Variants in TEX11 observed in about 807,000 individuals in gnomAD.
TEX11 encodes the protein testis-expressed protein 11.
A neutral mutation model predicts 84.4 loss-of-function variants in TEX11; 7 were observed. The observed-to-expected ratio is 0.08, with a 90% CI of 0.05 to 0.16. The LOEUF (loss-of-function observed/expected upper bound fraction) is 0.16, where lower values mean the gene tolerates loss of function less well. Among genes scored for constraint, TEX11 ranks in the 10% least tolerant of loss-of-function variants. TEX11 has a pLI of 1.00. For synonymous variants in TEX11, 264 were observed against 222.8 expected, an observed-to-expected ratio of 1.18 and a Z score of -1.64; for missense variants, 551 against 660.5, an observed-to-expected ratio of 0.83 and a Z score of 1.82.
chrX:70,815,603 A>C (rs1482956665), intron 8 of TEX11, among the ~76,000 whole-genome samples: 2 of 111,872 alleles, frequency 1.8e-5, no homozygotes, highest in Non-Finnish European at 3.8e-5. Context: ...TATAAATTAA[A>C]ATTTATCAGA....
At chrX:70,790,282 C>G (rs1194806245) in intron 9 of TEX11, among the ~76,000 whole-genome samples, 2 of 111,678 alleles carry the variant, frequency 1.8e-5, no homozygotes, top group Non-Finnish European at 3.8e-5. Flanking sequence ...AGAGAAAACA[C>G]TGAAAGTCAA....
chrX:70,797,001 T>G (rs998804322), intron 9 of TEX11, among the ~76,000 whole-genome samples: 1 of 112,324 alleles, frequency 8.9e-6, no homozygotes, highest in Admixed American at 9.4e-5. Context: ...GGAATTCTTT[T>G]ACACTGTTGG....
chrX:70,782,645 C>CAAAAAAAAAAAAAAAAAAAAA (rs780011355), intron 9 of TEX11, among the ~76,000 whole-genome samples: 3 of 28,904 alleles, frequency 1.0e-4, no homozygotes, highest in Non-Finnish European at 1.5e-4. Context: ...AAATGGAAAG[C>CAAAAAAAAAAAAAAAAAAAAA]AAAAAAAAAA....
intron 25 of TEX11, among the ~76,000 whole-genome samples, chrX:70,576,871 T>C (rs1250018025): frequency 8.9e-6 from 1 of 112,197 alleles, no homozygotes; most frequent in Non-Finnish European, 1.9e-5. Flanking sequence ...AAATCCTTTA[T>C]CTACAATAAC....
chrX:70,574,106 T>G (rs2088641399), intron 25 of TEX11, among the ~76,000 whole-genome samples: 1 of 112,321 alleles, frequency 8.9e-6, no homozygotes, highest in African/African-American at 3.2e-5. Context: ...GTTTAACTCA[T>G]GTTATAAAAT....
chrX:70,679,237 C>A (rs1341475422), intron 14 of TEX11, among the ~76,000 whole-genome samples: 2 of 112,032 alleles, frequency 1.8e-5, no homozygotes, highest in East Asian at 2.8e-4. Context: ...TCATTCACTC[C>A]GTGCTCAATG....
At chrX:70,743,399 T>C (rs1324927266) in intron 10 of TEX11, among the ~76,000 whole-genome samples, 1 of 112,224 alleles carries the variant, frequency 8.9e-6, no homozygotes, top group East Asian at 2.8e-4. Flanking sequence ...TATGCTGTAA[T>C]AGTAAGAATC....
At chrX:70,732,015 A>G (rs1039674786) in intron 11 of TEX11, among the ~76,000 whole-genome samples, 1 of 112,228 alleles carries the variant, frequency 8.9e-6, no homozygotes, top group African/African-American at 3.2e-5. Context: ...AAATCAATAA[A>G]TGTAATCCAG....
chrX:70,511,584 C>T, the TEX11 span, among the ~76,000 whole-genome samples: 3 of 105,644 alleles, frequency 2.8e-5, no homozygotes, highest in Non-Finnish European at 5.8e-5. Flanking sequence ...GAAACCACAT[C>T]TCTACTAAAA....
At chrX:70,671,726 T>C (rs1223767349) in intron 15 of TEX11, among the ~76,000 whole-genome samples, 2 of 108,492 alleles carry the variant, frequency 1.8e-5, no homozygotes. Context: ...TTCCTTCTCT[T>C]GGGTCTAATT....
At position 70,835,885 on chromosome X, in the gene TEX11, A is replaced by G. The variant is rs750507106; in HGVS notation, c.526-2292T>C. ...CCAGCACTTTGGGAGGCCAAGGTAG[A>G]CTGATCACCTGAGGCCAGGAGTTCG... On this transcript the variant is annotated intron_variant, in intron 7 of 29. Transcript: ENST00000374333. 2.7e-5 allele frequency among the ~76,000 whole-genome samples: 3 copies of G among 110,980 alleles called. No individual in the cohort carries two copies. The South Asian group carries it at 1.1e-3, about 42-fold the overall frequency.
At chrX:70,781,531 C>T (rs912030482) in intron 9 of TEX11, among the ~76,000 whole-genome samples, 1 of 111,577 alleles carries the variant, frequency 9.0e-6, no homozygotes, top group Non-Finnish European at 1.9e-5. Flanking sequence ...AGCTAAGAAG[C>T]ATGTTCCAAT....
At chrX:70,758,021 C>G (rs1421198538) in intron 9 of TEX11, among the ~76,000 whole-genome samples, 1 of 111,562 alleles carries the variant, frequency 9.0e-6, no homozygotes, top group Non-Finnish European at 1.9e-5. Flanking sequence ...TCAAAAGAGA[C>G]AAATAAGGCC....
intron 25 of TEX11, among the ~76,000 whole-genome samples, chrX:70,564,194 G>C (rs773136579): frequency 9.0e-6 from 1 of 111,584 alleles, no homozygotes; most frequent in African/African-American, 3.3e-5. Flanking sequence ...GTGCCACTGC[G>C]CTCCAGCCTG....
At chrX:70,735,208 A>T (rs1424523928) in intron 11 of TEX11, among the ~76,000 whole-genome samples, 1 of 110,829 alleles carries the variant, frequency 9.0e-6, no homozygotes, top group East Asian at 2.8e-4. Context: ...ATGCACCACC[A>T]TGTCTGGTTA....
intron 2 of TEX11, among the ~76,000 whole-genome samples, chrX:70,890,346 A>G (rs775751352): frequency 1.8e-5 from 2 of 111,755 alleles, no homozygotes; most frequent in African/African-American, 3.2e-5. Flanking sequence ...CTGGTTGGAC[A>G]GTGTGTGCAG....
chrX:70,799,013 T>G (rs1184153138), intron 9 of TEX11, among the ~76,000 whole-genome samples: 1 of 111,490 alleles, frequency 9.0e-6, no homozygotes, highest in African/African-American at 3.2e-5. Flanking sequence ...CTAAATACCA[T>G]GTACAACTGC....
At chrX:70,820,394 T>C (rs1051118076) in intron 8 of TEX11, among the ~76,000 whole-genome samples, 2 of 112,309 alleles carry the variant, frequency 1.8e-5, no homozygotes, top group South Asian at 7.4e-4. Context: ...TCACACTGTA[T>C]ACAAAAATCA....
chrX:70,604,101 C>T (rs2089167107), intron 24 of TEX11, among the ~76,000 whole-genome samples: 2 of 111,355 alleles, frequency 1.8e-5, no homozygotes, highest in South Asian at 3.8e-4. Context: ...TAAAAAAGAA[C>T]GGTAGTTAGA....
Sources: allele counts gnomAD v4.1 joint callset (sites outside exome capture counted in the v4.1 genomes callset), GRCh38; gene constraint gnomAD v4.1.1; transcripts MANE v1.5; gene names NCBI Gene and HGNC (gene_info 2026-07-23, HGNC 2026-07-21).